PTGS1: variants seen among roughly 807,000 people sequenced by gnomAD.
PTGS1 encodes the protein prostaglandin-endoperoxide synthase 1.
In PTGS1, 40 loss-of-function variants were observed where a neutral mutation model predicts 63.0. The ratio of observed to expected loss-of-function variants is 0.63; its 90% CI spans 0.49 to 0.83. The LOEUF is 0.83. PTGS1 is among the 40% of genes least tolerant of loss of function. The pLI is 0.00. For missense variants in PTGS1, 709 were observed against 786.5 expected, an observed-to-expected ratio of 0.90 and a Z score of 1.18; for synonymous variants, 298 against 301.9, an observed-to-expected ratio of 0.99 and a Z score of 0.13.
intron 5 of PTGS1, among the ~76,000 whole-genome samples, 198 bp downstream of exon 5, chr9:122,379,116 A>G (rs77835799): frequency 6.6e-6 from 1 of 152,230 alleles, no homozygotes; most frequent in Non-Finnish European, 1.5e-5. Flanking sequence ...ACCTAGAGTC[A>G]GACCAATGTT....
chr9:122,377,748 TGGG>T, intron 2 of PTGS1, 148 bp from the exon 3 acceptor site: 1 of 666,024 alleles, frequency 1.5e-6, no homozygotes. Flanking sequence ...GGGGTCCCCT[TGGG>T]GGAACCCTGA....
chr9:122,389,865 G>A (rs1838096612), intron 9 of PTGS1, among the ~76,000 whole-genome samples: 1 of 152,120 alleles, frequency 6.6e-6, no homozygotes, highest in Non-Finnish European at 1.5e-5. Context: ...AGAAGCTGAG[G>A]TGGGAGGATT....
Position 122,390,302 on chromosome 9 carries a change from G to T in PTGS1, c.1401G>T (p.Lys467Asn). The T allele has an allele frequency of 6.2e-7, 1 of 1,614,222 alleles. No homozygotes were observed. Among genetic ancestry groups the T allele is most frequent in the Non-Finnish European group, 8.5e-7 (1 of 1,180,042 alleles). ...MRLQPFNEYRKRFGMKPYTSF... is the reference protein window; with the variant it reads ...MRLQPFNEYRNRFGMKPYTSF... Reference sequence around the variant, plus strand: ...TGCAGCCCTTCAATGAGTACCGCAAGAGGTTTGGCATGAAACCCTACACCT... The same window carrying T: ...TGCAGCCCTTCAATGAGTACCGCAATAGGTTTGGCATGAAACCCTACACCT... Residue 467 changes from lysine (K) to asparagine (N), a missense_variant, in exon 10 of 11, where the codon AAG becomes AAT. Physicochemically the swap from Lys to Asn is moderately conservative, Grantham distance 94 (BLOSUM62 0). Transcript: ENST00000362012.
chr9:122,373,215 G>A (rs541858620), intron 2 of PTGS1, among the ~76,000 whole-genome samples: 1 of 152,338 alleles, frequency 6.6e-6, no homozygotes, highest in East Asian at 1.9e-4. Flanking sequence ...GAGACTGGAG[G>A]CCAGAAAACT....
Position 122,390,217 on chromosome 9 carries a change from T to C in PTGS1, c.1316T>C (p.Met439Thr), listed in dbSNP as rs781075207. The part of the protein sequence containing the change: ...IAGRIGGGRN[M>T]DHHILHVAVD... ...CGGCAGATCGGTGGGGGCAGGAACA[T>C]GGACCACCACATCCTGCATGTGGCT... The change falls in exon 10 of 11, where the codon ATG becomes ACG. Residue 439 changes from methionine to threonine, a missense_variant. Physicochemically the swap from Met to Thr is moderately conservative, Grantham distance 81 (BLOSUM62 -1). Transcript: ENST00000362012. 2 of 1,613,990 alleles carry C rather than the reference T, an allele frequency of 1.2e-6. No homozygotes were observed. Among genetic ancestry groups the C allele is most frequent in the Admixed American group, 3.3e-5 (2 of 60,010 alleles).
In PTGS1 at chr9:122,381,388, G is replaced by C. The variant is rs1837505059; in HGVS notation, c.514G>C (p.Asp172His). ...MGTKGKKQLP[D>H]AQLLARRFLL... Reference sequence around the variant, plus strand: ...CCAACCAGGGAAGAAGCAGTTGCCAGATGCCCAGCTCCTGGCCCGCCGCTT... The same window carrying C: ...CCAACCAGGGAAGAAGCAGTTGCCACATGCCCAGCTCCTGGCCCGCCGCTT... Residue 172 changes from aspartate (D) to histidine (H), a missense_variant, in exon 6 of 11, where the codon GAT becomes CAT. Asp to His is a moderately conservative substitution (Grantham distance 81). Transcript: ENST00000362012. 2.5e-6 allele frequency: 4 copies of C among 1,613,900 alleles called. No homozygotes were observed. The highest frequency in any genetic ancestry group is 2.2e-5 in the South Asian group (2 of 91,060).
At chr9:122,389,048 CCTTT>C (rs1312804052) in intron 9 of PTGS1, among the ~76,000 whole-genome samples, 1 of 151,930 alleles carries the variant, frequency 6.6e-6, no homozygotes, top group Non-Finnish European at 1.5e-5. Flanking sequence ...TCCAACCATG[CCTTT>C]CTTTTTTGCC....
chr9:122,374,175 C>T (rs1239711827), intron 2 of PTGS1, among the ~76,000 whole-genome samples: 2 of 152,128 alleles, frequency 1.3e-5, no homozygotes, highest in African/African-American at 4.8e-5. Flanking sequence ...TGGCATGCAG[C>T]GTGGTGTGCT....
chr9:122,380,754 G>C (rs1233855172), intron 5 of PTGS1, among the ~76,000 whole-genome samples: 1 of 152,134 alleles, frequency 6.6e-6, no homozygotes, highest in Non-Finnish European at 1.5e-5. Context: ...TCTACCCACT[G>C]GTTCTCTGCC....
Position 122,393,288 on chromosome 9 carries a change from C to T in PTGS1, c.*744C>T, listed in dbSNP as rs951945547. On this transcript the variant is annotated 3_prime_UTR_variant, in exon 11 of 11. Coordinates refer to ENST00000362012, the MANE Select transcript of PTGS1 (RefSeq NM_000962.4). Reference sequence around the variant, plus strand: ...TGTTTCTCATGAAGCTAATAAAATTCGCTTTCTAAAGTTACCTGTTATATA... The same window carrying T: ...TGTTTCTCATGAAGCTAATAAAATTTGCTTTCTAAAGTTACCTGTTATATA... 2.0e-5 allele frequency: 3 copies of T among 152,232 alleles called. No homozygotes were observed. Among genetic ancestry groups the T allele is most frequent in the South Asian group, 4.1e-4 (2 of 4,826 alleles). The allele number at this position is 152,232 out of a possible 1,614,324, so 9.4% of individuals were successfully genotyped here.
At position 122,394,021 on chromosome 9, in the gene PTGS1, GACAA is replaced by G. The variant is rs1487858621; in HGVS notation, c.*1481_*1484del. 1 of 152,312 alleles carries G rather than the reference GACAA, an allele frequency of 6.6e-6. No homozygotes were observed. Among genetic ancestry groups the G allele is most frequent in the African/African-American group, 2.4e-5 (1 of 41,462 alleles). The allele number at this position is 152,312 out of a possible 1,614,324, so 9.4% of individuals were successfully genotyped here. A position where few individuals can be genotyped will look rare whatever the true frequency, so the allele number is the denominator to read the frequency against. ...TTATGGAGCTCACACTCCAGTGGCA[GACAA>G]ACAGACCATAAATAAGGAAACGATG... On this transcript the variant is annotated 3_prime_UTR_variant, in exon 11 of 11. Transcript: ENST00000362012.
At chr9:122,385,435 G>A (rs1837816144) in intron 8 of PTGS1, among the ~76,000 whole-genome samples, 1 of 151,306 alleles carries the variant, frequency 6.6e-6, no homozygotes, top group Non-Finnish European at 1.5e-5. Flanking sequence ...TTGTCTAATG[G>A]CTAATTGGCC....
intron 10 of PTGS1, 126 bp downstream of exon 10, chr9:122,390,471 C>A: frequency 1.8e-6 from 2 of 1,122,436 alleles, no homozygotes; most frequent in Non-Finnish European, 1.2e-6. Context: ...TTATAATGGG[C>A]GTGGAAGTGC....
At position 122,386,730 on chromosome 9, in the gene PTGS1, C is replaced by G; in HGVS notation, c.1294C>G (p.Arg432Gly). 1 of 1,613,902 alleles carries G rather than the reference C, an allele frequency of 6.2e-7. No homozygotes were observed. The highest frequency in any genetic ancestry group is 2.2e-5 in the East Asian group (1 of 44,868). ...VDAFSRQIAGRIGGGRNMDHH... is the reference protein window; with the variant it reads ...VDAFSRQIAGGIGGGRNMDHH... ...TGCCTTCTCTCGCCAGATTGCTGGC[C>G]GGGTAAGCCCCAGAGGAGTGCTGGT... The change falls in exon 9 of 11, where the codon CGG becomes GGG. Residue 432 changes from arginine to glycine, a missense_variant and splice_region_variant. Arg to Gly is a moderately radical substitution (Grantham distance 125, BLOSUM62 -2). Coordinates refer to ENST00000362012, the MANE Select transcript of PTGS1 (RefSeq NM_000962.4).
chr9:122,373,710 G>A (rs562634537), intron 2 of PTGS1, among the ~76,000 whole-genome samples: 5 of 152,210 alleles, frequency 3.3e-5, no homozygotes, highest in African/African-American at 7.2e-5. Context: ...ACCTGCTCTC[G>A]CCAGCACCAG....
At chr9:122,373,076 G>T (rs2119111728) in intron 2 of PTGS1, among the ~76,000 whole-genome samples, 1 of 152,340 alleles carries the variant, frequency 6.6e-6, no homozygotes, top group African/African-American at 2.4e-5. Context: ...AGGCTTCTTG[G>T]ATCTGATGAC....
chr9:122,374,526 A>G (rs1837000369), intron 2 of PTGS1, among the ~76,000 whole-genome samples: 1 of 152,208 alleles, frequency 6.6e-6, no homozygotes, highest in Non-Finnish European at 1.5e-5. Flanking sequence ...AAAGTGAATT[A>G]GACTTGGTAC....
At position 122,375,275 on chromosome 9, in the gene PTGS1, C is replaced by G. The variant is rs796300296; in HGVS notation, c.95-2624C>G. 1.7e-5 allele frequency: 17 copies of G among 985,456 alleles called. No individual in the cohort carries two copies. In the African/African-American group the frequency reaches 3.0e-4, roughly 17 times the overall value. The allele number at this position is 985,456 out of a possible 1,614,324, so 61.0% of individuals were successfully genotyped here. On this transcript the variant is annotated intron_variant, in intron 2 of 10. Coordinates refer to ENST00000362012, the MANE Select transcript of PTGS1 (RefSeq NM_000962.4). ...AGGAGCCTCAGCTCCCGCACAGCCT[C>G]TCTTGGCAGGGAGGGTGTGGGCAGC...
chr9:122,387,451 C>T (rs938783456), intron 9 of PTGS1, among the ~76,000 whole-genome samples: 1 of 152,140 alleles, frequency 6.6e-6, no homozygotes, highest in Admixed American at 6.5e-5. Context: ...ACCGCCAGAA[C>T]CTTAGTATGT....
Sources: gnomAD v4.1 joint callset for allele counts (sites outside exome capture counted in the v4.1 genomes callset) on GRCh38, gnomAD v4.1.1 for gene constraint, MANE v1.5 for transcripts, NCBI Gene and HGNC (gene_info 2026-07-23, HGNC 2026-07-21) for gene names.